The following SCAPER variants were observed in gnomAD, a reference collection of about 807,000 sequenced individuals.
SCAPER encodes the protein S-phase cyclin A associated protein in the ER.
In SCAPER, 98 loss-of-function variants were observed where a neutral mutation model predicts 182.2. The observed-to-expected ratio is 0.54, with a 90% CI of 0.46 to 0.64. The LOEUF is 0.64. SCAPER is among the 30% of genes least tolerant of loss of function. The pLI is 0.00. For synonymous variants in SCAPER, 605 were observed against 564.6 expected, an observed-to-expected ratio of 1.07 and a Z score of -1.01; for missense variants, 1,432 against 1,690.0, an observed-to-expected ratio of 0.85 and a Z score of 2.68.
chr15:76,846,382 C>G (rs1024820934), intron 4 of SCAPER, among the ~76,000 whole-genome samples: 2 of 151,516 alleles, frequency 1.3e-5, no homozygotes, highest in African/African-American at 4.9e-5. Flanking sequence ...TTCTGCACAG[C>G]AAAGGAAACA....
Position 76,727,749 on chromosome 15 carries a change from T to C in SCAPER, c.2165+846A>G, listed in dbSNP as rs138005322. ...CAAGAGTTATGCTAATCAAAAAACA[T>C]CATAAAGAAAGAAAAAAGGTAAGAC... On this transcript the variant is annotated intron_variant, in intron 17 of 31. Coordinates refer to ENST00000563290, the MANE Select transcript of SCAPER (RefSeq NM_020843.4). 8.2e-3 allele frequency among the ~76,000 whole-genome samples: 1,237 copies of C among 151,616 alleles called. 13 individuals are homozygous for C. The highest frequency in any genetic ancestry group is 0.028 in the African/African-American group (1,174 of 41,346).
At chr15:76,671,661 T>C (rs753524507) in intron 20 of SCAPER, among the ~76,000 whole-genome samples, 1 of 151,684 alleles carries the variant, frequency 6.6e-6, no homozygotes, top group Non-Finnish European at 1.5e-5. Flanking sequence ...TCCCAGCTAC[T>C]CTGGAGGCTG....
intron 21 of SCAPER, among the ~76,000 whole-genome samples, chr15:76,642,969 A>T (rs2054223447): frequency 1.3e-5 from 2 of 152,192 alleles, no homozygotes; most frequent in Admixed American, 1.3e-4. Flanking sequence ...GTTTCAATTA[A>T]AAAAGATAAG....
intron 20 of SCAPER, among the ~76,000 whole-genome samples, chr15:76,688,055 C>A (rs1445098995): frequency 6.6e-6 from 1 of 152,194 alleles, no homozygotes; most frequent in Non-Finnish European, 1.5e-5. Flanking sequence ...ACACTCCCAC[C>A]AACAGCGTAA....
chr15:76,348,664 C>G lies in SCAPER; in HGVS notation c.4172G>C (p.Arg1391Pro). 1 of 1,552,326 alleles carries G rather than the reference C, an allele frequency of 6.4e-7. No homozygotes were observed. The highest frequency in any genetic ancestry group is 8.7e-7 in the Non-Finnish European group (1 of 1,146,968). Reference protein sequence around the residue: ...RFPQQAWEEARQFFLKKEKK With the variant: ...RFPQQAWEEAPQFFLKKEKK ...TTTCTCTTTTTTCAAGAAAAACTGT[C>G]GAGCTTCTTCCCAGGCCTGCTGAGG... The change falls in exon 32 of 32, where the codon CGA becomes CCA. Residue 1391 changes from arginine (R) to proline (P), a missense_variant. By Grantham distance (103) the Arg-to-Pro change is moderately radical. Transcript: ENST00000563290.
At chr15:76,710,137 C>A (rs2059483985) in intron 17 of SCAPER, among the ~76,000 whole-genome samples, 1 of 152,098 alleles carries the variant, frequency 6.6e-6, no homozygotes, top group South Asian at 2.1e-4. Flanking sequence ...TTCCATTGAA[C>A]ATTACATAGA....
intron 21 of SCAPER, among the ~76,000 whole-genome samples, chr15:76,654,768 C>T (rs1034920214): frequency 1.8e-4 from 27 of 152,308 alleles, no homozygotes; most frequent in South Asian, 6.2e-4. Flanking sequence ...CCAGGTCCTA[C>T]CAAGGTGGCT....
chr15:76,847,549 C>G (rs944383455), intron 4 of SCAPER, among the ~76,000 whole-genome samples: 3 of 152,168 alleles, frequency 2.0e-5, no homozygotes, highest in African/African-American at 7.2e-5. Flanking sequence ...TTATTACACA[C>G]TGCATGACTG....
At chr15:76,581,881 T>C (rs947476630) in intron 22 of SCAPER, among the ~76,000 whole-genome samples, 4 of 152,144 alleles carry the variant, frequency 2.6e-5, no homozygotes, top group African/African-American at 9.7e-5. Context: ...CCACCATGCC[T>C]GGCCTGAAAA....
In SCAPER at chr15:76,376,498, A is replaced by G. The variant is rs982152155; in HGVS notation, c.3706-187T>C. Among the ~76,000 whole-genome samples, 3 of 152,218 alleles carry G rather than the reference A, an allele frequency of 2.0e-5. No individual in the cohort carries two copies. In the South Asian group the frequency reaches 6.2e-4, roughly 31 times the overall value. ...TAATAAATGTCCCATAATAAATGCA[A>G]TGTTTAACCTGAAAAGGGACAGTAG... On this transcript the variant is annotated intron_variant, in intron 28 of 31. Transcript: ENST00000563290.
chr15:76,780,239 TCAG>T (rs2064026825), intron 8 of SCAPER, among the ~76,000 whole-genome samples: 1 of 152,248 alleles, frequency 6.6e-6, no homozygotes, highest in Non-Finnish European at 1.5e-5. Flanking sequence ...CGCGCCTGGC[TCAG>T]CAGGTCTCAC....
intron 21 of SCAPER, among the ~76,000 whole-genome samples, chr15:76,644,169 T>C (rs2054347240): frequency 6.6e-6 from 1 of 152,128 alleles, no homozygotes; most frequent in African/African-American, 2.4e-5. Context: ...TTCATTCTCA[T>C]TCTCTTACAA....
At chr15:76,509,840 T>A (rs567552188) in intron 23 of SCAPER, among the ~76,000 whole-genome samples, 2 of 152,196 alleles carry the variant, frequency 1.3e-5, no homozygotes, top group African/African-American at 4.8e-5. Context: ...AAGGCCACAG[T>A]CACCAAAACA....
intron 23 of SCAPER, among the ~76,000 whole-genome samples, chr15:76,551,066 T>A (rs2045728511): frequency 6.6e-6 from 1 of 152,094 alleles, no homozygotes; most frequent in East Asian, 1.9e-4. Context: ...TAACAAATGC[T>A]AACAGAGATG....
intron 2 of SCAPER, among the ~76,000 whole-genome samples, chr15:76,866,227 C>G (rs1000322345): frequency 7.2e-5 from 11 of 151,862 alleles, no homozygotes; most frequent in Admixed American, 4.6e-4. Flanking sequence ...TCCTGTGAGA[C>G]AGAGAGAGAC....
chr15:76,604,742 A>G (rs1166178304), intron 22 of SCAPER, among the ~76,000 whole-genome samples: 2 of 151,900 alleles, frequency 1.3e-5, no homozygotes, highest in East Asian at 1.9e-4. Context: ...GGTCCTTCAC[A>G]TCCCTTGTAA....
intron 22 of SCAPER, among the ~76,000 whole-genome samples, chr15:76,576,047 A>G (rs1448589853): frequency 6.6e-6 from 1 of 152,146 alleles, no homozygotes; most frequent in Non-Finnish European, 1.5e-5. Flanking sequence ...TACAGAGAAA[A>G]CTTCTTCTTT....
At chr15:76,522,765 A>T (rs2144335550) in intron 23 of SCAPER, among the ~76,000 whole-genome samples, 1 of 152,218 alleles carries the variant, frequency 6.6e-6, no homozygotes, top group South Asian at 2.1e-4. Flanking sequence ...CTGTGACTAT[A>T]CTAAAAGCCA....
Position 76,765,050 on chromosome 15 carries a change from T to C in SCAPER, c.1636A>G (p.Lys546Glu). The C allele has an allele frequency of 6.3e-7, 1 of 1,589,286 alleles. No homozygotes were observed. The highest frequency in any genetic ancestry group is 8.6e-7 in the Non-Finnish European group (1 of 1,167,698). ...GCTTTCATTTGTTTTTCTTCATGTT[T>C]CTTCTTAGATTCTGCAATTGTTCTA... ...RKRTIAESKK[K>E]HEEKQMKAQQ... Residue 546 changes from lysine to glutamate, a missense_variant, in exon 14 of 32, where the codon AAA (lysine) becomes GAA (glutamate). This residue lies in a region of SCAPER where 128 missense variants were observed against 149.9 expected (regional missense o/e 0.85). Transcript: ENST00000563290.
Sources: gnomAD v4.1 joint callset for allele counts (sites outside exome capture counted in the v4.1 genomes callset) on GRCh38, gnomAD v4.1.1 for gene constraint, gnomAD v4.1.1 regional missense constraint, MANE v1.5 for transcripts, NCBI Gene and HGNC (gene_info 2026-07-23, HGNC 2026-07-21) for gene names.